The following ARHGEF28 variants were observed in gnomAD, a reference collection of about 807,000 sequenced individuals.
ARHGEF28 encodes the protein 190 kDa guanine nucleotide exchange factor.
ARHGEF28 carries 152 observed loss-of-function variants against 206.6 expected under a neutral mutation model. The observed-to-expected ratio is 0.74, with a 90% CI of 0.64 to 0.84. The LOEUF (loss-of-function observed/expected upper bound fraction) is 0.84, where lower values mean the gene tolerates loss of function less well. ARHGEF28 is among the 40% of genes least tolerant of loss of function. The probability of loss-of-function intolerance (pLI) is 0.00; values close to 1 mark genes in which losing one functional copy is unlikely to be tolerated. For synonymous variants in ARHGEF28, 763 were observed against 776.4 expected (o/e 0.98, Z 0.29); for missense variants, 2,028 against 2,073.2 (o/e 0.98, Z 0.42).
intron 1 of ARHGEF28, among the ~76,000 whole-genome samples, chr5:73,642,807 TATCATCATGCTC>T (rs1744205005): frequency 6.6e-6 from 1 of 152,184 alleles, no homozygotes; most frequent in African/African-American, 2.4e-5. Flanking sequence ...TGGTTTTTAC[TATCATCATGCTC>T]TAATATCTGT....
At chr5:73,785,546 C>T (rs945256895) in intron 7 of ARHGEF28, among the ~76,000 whole-genome samples, 1 of 152,132 alleles carries the variant, frequency 6.6e-6, no homozygotes, top group Admixed American at 6.5e-5. Flanking sequence ...TTCATGCCTC[C>T]CTCGACATCC....
intron 1 of ARHGEF28, among the ~76,000 whole-genome samples, chr5:73,637,232 C>T (rs753673206): frequency 2.0e-5 from 3 of 152,096 alleles, no homozygotes; most frequent in Non-Finnish European, 4.4e-5. Flanking sequence ...TGATAACTAT[C>T]AGTTTTTAGC....
At chr5:73,642,952 A>C (rs1005322365) in intron 1 of ARHGEF28, among the ~76,000 whole-genome samples, 1 of 152,196 alleles carries the variant, frequency 6.6e-6, no homozygotes, top group Non-Finnish European at 1.5e-5. Flanking sequence ...CTTATCCTTT[A>C]ATACATGTTG....
Position 73,891,679 on chromosome 5 carries a change from C to A in ARHGEF28, c.3388-373C>A, listed in dbSNP as rs997226884. Among the ~76,000 whole-genome samples the A allele has an allele frequency of 2.6e-5, 4 of 152,016 alleles. No individual in the cohort carries two copies. In the East Asian group the frequency reaches 7.7e-4, roughly 29 times the overall value. ...AGCTGAGACTACAGGCGCACACCAG[C>A]ACATCTGGCTAATTTTTGTGTTTTT... is the stretch of plus-strand genomic sequence containing the variant. On this transcript the variant is annotated intron_variant, in intron 26 of 35. Transcript: ENST00000513042.
At chr5:73,656,057 T>C (rs569179267) in intron 1 of ARHGEF28, among the ~76,000 whole-genome samples, 51 of 152,336 alleles carry the variant, frequency 3.3e-4, no homozygotes, top group African/African-American at 1.2e-3. Context: ...CCTTTCCAAG[T>C]GTCAGATGAG....
At chr5:73,636,328 A>G (rs926389577) in intron 1 of ARHGEF28, among the ~76,000 whole-genome samples, 2 of 152,232 alleles carry the variant, frequency 1.3e-5, no homozygotes, top group East Asian at 1.9e-4. Context: ...AGAAAATTCA[A>G]CTTTACCAAG....
Position 73,801,374 on chromosome 5 carries a change from G to T in ARHGEF28, c.1024+5983G>T, listed in dbSNP as rs1316466032. ...AGGCAGGAGAATGGCGTGAACCCGG[G>T]AGGCAGAGCTTGCAGTGAGCCGAGA... On this transcript the variant is annotated intron_variant, in intron 9 of 35. Transcript: ENST00000513042. Among the ~76,000 whole-genome samples the T allele has an allele frequency of 5.3e-5, 8 of 152,150 alleles. No homozygotes were observed. In the South Asian group the frequency reaches 8.3e-4, roughly 16 times the overall value.
intron 14 of ARHGEF28, 68 bp downstream of exon 14, chr5:73,852,760 T>G: frequency 6.6e-7 from 1 of 1,526,368 alleles, no homozygotes; most frequent in Non-Finnish European, 9.1e-7. Flanking sequence ...CCACACATCA[T>G]TTTTGCTATC....
chr5:73,641,924 C>G (rs1461410603), intron 1 of ARHGEF28, among the ~76,000 whole-genome samples: 2 of 152,182 alleles, frequency 1.3e-5, no homozygotes, highest in African/African-American at 2.4e-5. Context: ...GCTACTACCT[C>G]GAATTCCTGC....
chr5:73,797,911 G>A (rs1580631881), intron 9 of ARHGEF28, among the ~76,000 whole-genome samples: 3 of 152,202 alleles, frequency 2.0e-5, no homozygotes, highest in African/African-American at 4.8e-5. Context: ...TCTATCCAGT[G>A]TAGTAGCCTG....
intron 6 of ARHGEF28, among the ~76,000 whole-genome samples, chr5:73,779,590 GAC>G (rs947534185): frequency 2.0e-5 from 3 of 152,158 alleles, no homozygotes; most frequent in African/African-American, 7.2e-5. Context: ...AGCCCAAGTA[GAC>G]ACATGGGGCA....
chr5:73,869,584 T>C (rs1441237591), intron 20 of ARHGEF28, among the ~76,000 whole-genome samples: 2 of 152,210 alleles, frequency 1.3e-5, no homozygotes, highest in Non-Finnish European at 2.9e-5. Context: ...CTGTCTTAAT[T>C]TGGACCATTT....
intron 2 of ARHGEF28, among the ~76,000 whole-genome samples, chr5:73,749,068 G>A (rs1002469663): frequency 1.3e-5 from 2 of 152,138 alleles, no homozygotes; most frequent in African/African-American, 4.8e-5. Context: ...CTCTCCTTGG[G>A]ACCAAGGCAC....
rs1453888145 is a variant in ARHGEF28, at chr5:73,877,257, C to T, written c.2814+4011C>T. On this transcript the variant is annotated intron_variant, in intron 22 of 35. Transcript: ENST00000513042. ...GTGGTAGTTTGTATTTCTGTGGGAT[C>T]GGTGGTGATATCCCCTTTATCATTT... is the stretch of plus-strand genomic sequence containing the variant. Among the ~76,000 whole-genome samples, 71 of 151,690 alleles carry T rather than the reference C, an allele frequency of 4.7e-4. 1 individual carries two copies. The highest frequency in any genetic ancestry group is 1.5e-3 in the African/African-American group (62 of 41,350).
chr5:73,741,759 G>A (rs1244955746), intron 2 of ARHGEF28, among the ~76,000 whole-genome samples: 1 of 151,834 alleles, frequency 6.6e-6, no homozygotes, highest in Non-Finnish European at 1.5e-5. Context: ...TTAATGCAGA[G>A]GTTTGAATAA....
In ARHGEF28 at chr5:73,664,725, G is replaced by A. The variant is rs115205920; in HGVS notation, c.-11-20116G>A. ...AAAATAAGTAATTTTGGCCTTGCAA[G>A]TAGCAACTCCCTTGATTAACTCATT... On this transcript the variant is annotated intron_variant, in intron 1 of 35. Coordinates refer to ENST00000513042, the MANE Select transcript of ARHGEF28 (RefSeq NM_001177693.2). 7.9e-3 allele frequency among the ~76,000 whole-genome samples: 1,199 copies of A among 152,218 alleles called. 17 individuals are homozygous for A. Among genetic ancestry groups the A allele is most frequent in the African/African-American group, 0.027 (1,141 of 41,528 alleles).
At chr5:73,825,271 G>A (rs7708121) in intron 9 of ARHGEF28, among the ~76,000 whole-genome samples, 1,843 of 152,324 alleles carry the variant, frequency 0.012, 28 homozygotes, top group African/African-American at 0.039. Flanking sequence ...ATCAGGGAGA[G>A]CCTCTTTGGT....
intron 2 of ARHGEF28, among the ~76,000 whole-genome samples, chr5:73,744,536 G>C (rs1751614939): frequency 7.2e-6 from 1 of 138,530 alleles, no homozygotes. Context: ...GAAAGGCTCT[G>C]TATAGATTTT....
chr5:73,795,565 T>A (rs1754750362), intron 9 of ARHGEF28, 174 bp downstream of exon 9: 1 of 572,718 alleles, frequency 1.7e-6, no homozygotes, highest in Admixed American at 3.3e-5. Context: ...ACTATGACTC[T>A]AGAGGTTGAG....
Sources: gnomAD v4.1 joint callset for allele counts (sites outside exome capture counted in the v4.1 genomes callset) on GRCh38, gnomAD v4.1.1 for gene constraint, MANE v1.5 for transcripts, NCBI Gene and HGNC (gene_info 2026-07-23, HGNC 2026-07-21) for gene names.